Variants in GALNTL6 observed in about 807,000 individuals in gnomAD.
GALNTL6 encodes the protein polypeptide N-acetylgalactosaminyltransferase like 6.
Under a neutral mutation model 73.7 loss-of-function variants are expected in GALNTL6, and 46 were observed. That is an observed-to-expected ratio of 0.62 (90% confidence interval 0.49 to 0.80). The LOEUF is 0.80. Among genes scored for constraint, GALNTL6 ranks in the 30% least tolerant of loss-of-function variants. The pLI is 0.00. For missense variants in GALNTL6, 604 were observed against 755.0 expected (o/e 0.80, Z 2.34); for synonymous variants, 259 against 263.7 (o/e 0.98, Z 0.17).
chr4:173,030,173 C>G (rs1753399049), intron 12 of GALNTL6, among the ~76,000 whole-genome samples: 1 of 152,104 alleles, frequency 6.6e-6, no homozygotes, highest in African/African-American at 2.4e-5. Flanking sequence ...AGTTGTGATT[C>G]TTATGCAGAA....
intron 8 of GALNTL6, among the ~76,000 whole-genome samples, chr4:172,918,531 C>T (rs1035396538): frequency 1.3e-5 from 2 of 152,076 alleles, no homozygotes; most frequent in Admixed American, 1.3e-4. Context: ...CATATAATGC[C>T]TTCCTTCCCC....
chr4:172,234,618 T>A (rs775430935), intron 3 of GALNTL6, among the ~76,000 whole-genome samples: 26 of 152,308 alleles, frequency 1.7e-4, no homozygotes, highest in Admixed American at 1.7e-3. Flanking sequence ...GTAAATTATA[T>A]CTATTGCTTT....
chr4:173,007,567 G>A (rs544374878), intron 10 of GALNTL6, among the ~76,000 whole-genome samples: 52 of 152,318 alleles, frequency 3.4e-4, no homozygotes, highest in South Asian at 8.3e-4. Flanking sequence ...AACACTTTGG[G>A]AGGCCGAGGC....
chr4:172,180,814 G>C (rs552672946), intron 2 of GALNTL6, among the ~76,000 whole-genome samples: 23 of 152,194 alleles, frequency 1.5e-4, no homozygotes, highest in African/African-American at 5.1e-4. Context: ...CTATATATCT[G>C]TTTTGGTACC....
chr4:172,420,264 A>T (rs1731004640), intron 5 of GALNTL6, among the ~76,000 whole-genome samples: 1 of 152,186 alleles, frequency 6.6e-6, no homozygotes, highest in Non-Finnish European at 1.5e-5. Flanking sequence ...TTACATTGTT[A>T]AGAAGATTCC....
intron 5 of GALNTL6, among the ~76,000 whole-genome samples, chr4:172,364,745 TC>T (rs1240590040): frequency 6.6e-6 from 1 of 152,114 alleles, no homozygotes; most frequent in African/African-American, 2.4e-5. Context: ...TGCCTATCTG[TC>T]CCTAGTCAAA....
intron 5 of GALNTL6, among the ~76,000 whole-genome samples, chr4:172,737,307 CT>C (rs200806628): frequency 7.9e-5 from 12 of 151,056 alleles, no homozygotes; most frequent in South Asian, 4.2e-4. Flanking sequence ...CCTTTTCATT[CT>C]TTTTTTTTCC....
chr4:171,968,688 G>A (rs1739460811), intron 2 of GALNTL6, among the ~76,000 whole-genome samples: 1 of 152,160 alleles, frequency 6.6e-6, no homozygotes, highest in Non-Finnish European at 1.5e-5. Flanking sequence ...TTTTCTTGTG[G>A]TAGAGAAAGC....
chr4:172,876,800 T>TA (rs1214898631), intron 7 of GALNTL6, among the ~76,000 whole-genome samples: 6 of 152,236 alleles, frequency 3.9e-5, no homozygotes, highest in Non-Finnish European at 8.8e-5. Context: ...TCAAAGTGTT[T>TA]AAAAAGAGTG....
At chr4:172,158,429 G>T (rs570382111) in intron 2 of GALNTL6, among the ~76,000 whole-genome samples, 1 of 151,710 alleles carries the variant, frequency 6.6e-6, no homozygotes, top group Non-Finnish European at 1.5e-5. Context: ...AAAAAAAACA[G>T]CTAGCAAACT....
intron 5 of GALNTL6, among the ~76,000 whole-genome samples, chr4:172,618,978 T>C (rs1738850441): frequency 6.6e-6 from 1 of 152,142 alleles, no homozygotes; most frequent in African/African-American, 2.4e-5. Flanking sequence ...TGCCTCGGCC[T>C]TCCAAGGTGC....
chr4:172,790,284 C>T (rs1739920707), intron 5 of GALNTL6, among the ~76,000 whole-genome samples: 1 of 152,170 alleles, frequency 6.6e-6, no homozygotes, highest in South Asian at 2.1e-4. Context: ...AAGTCATATG[C>T]TGAAGGCCTA....
chr4:172,632,469 CT>C (rs1163608263), intron 5 of GALNTL6, among the ~76,000 whole-genome samples: 3 of 152,068 alleles, frequency 2.0e-5, no homozygotes, highest in Non-Finnish European at 4.4e-5. Context: ...TGCAAAAAGA[CT>C]GGTGATATTT....
chr4:172,336,972 T>C (rs1001886291), intron 4 of GALNTL6, among the ~76,000 whole-genome samples: 1 of 152,210 alleles, frequency 6.6e-6, no homozygotes, highest in Admixed American at 6.5e-5. Context: ...GTATTATTGT[T>C]GAATTGAAGT....
At chr4:172,388,456 G>A (rs1193488487) in intron 5 of GALNTL6, among the ~76,000 whole-genome samples, 6 of 151,936 alleles carry the variant, frequency 3.9e-5, no homozygotes, top group Non-Finnish European at 7.4e-5. Context: ...GTATTTTTGT[G>A]GAAGAATAAA....
chr4:172,962,689 T>C (rs1483777254), intron 10 of GALNTL6, among the ~76,000 whole-genome samples: 2 of 152,168 alleles, frequency 1.3e-5, no homozygotes, highest in East Asian at 3.9e-4. Context: ...CACCATTTTA[T>C]GCACTTGTAC....
At chr4:171,945,978 G>T (rs111405670) in intron 2 of GALNTL6, among the ~76,000 whole-genome samples, 1 of 152,030 alleles carries the variant, frequency 6.6e-6, no homozygotes, top group Non-Finnish European at 1.5e-5. Context: ...GTTGACTTAC[G>T]CTTATAAAGA....
chr4:172,699,469 G>A (rs756020792), intron 5 of GALNTL6, among the ~76,000 whole-genome samples: 113 of 152,164 alleles, frequency 7.4e-4, no homozygotes, highest in Non-Finnish European at 1.2e-3. Flanking sequence ...GGTCTAGGAA[G>A]AGAAATGAGT....
At chr4:173,033,512 T>C (rs1753557286) in intron 12 of GALNTL6, among the ~76,000 whole-genome samples, 1 of 152,232 alleles carries the variant, frequency 6.6e-6, no homozygotes, top group East Asian at 1.9e-4. Flanking sequence ...GCCTCCTTGA[T>C]TTGTCCTTCT....
Sources: gnomAD v4.1 joint callset for allele counts (sites outside exome capture counted in the v4.1 genomes callset) on GRCh38, gnomAD v4.1.1 for gene constraint, MANE v1.5 for transcripts, NCBI Gene and HGNC (gene_info 2026-07-23, HGNC 2026-07-21) for gene names.